The following RYR3 variants were observed in gnomAD, a reference collection of about 807,000 sequenced individuals.
The protein encoded by RYR3 is ryanodine receptor 3.
A neutral mutation model predicts 584.3 loss-of-function variants in RYR3; 207 were observed. The ratio of observed to expected loss-of-function variants is 0.35; its 90% confidence interval spans 0.32 to 0.40. The LOEUF is 0.40. Ranked by LOEUF, RYR3 falls within the 10% of genes least tolerant of loss-of-function variation. The probability of loss-of-function intolerance (pLI) is 1.00; values close to 1 mark genes in which losing one functional copy is unlikely to be tolerated. For synonymous variants in RYR3, 2,416 were observed against 2,248.5 expected, an observed-to-expected ratio of 1.07 and a Z score of -2.11; for missense variants, 5,616 against 6,089.2, an observed-to-expected ratio of 0.92 and a Z score of 2.59.
At chr15:33,699,464 A>C (rs759756013) in intron 40 of RYR3, among the ~76,000 whole-genome samples, 1 of 152,052 alleles carries the variant, frequency 6.6e-6, no homozygotes, top group East Asian at 1.9e-4. Context: ...GTAGAAGGTC[A>C]TGCAATTTCA....
At position 33,763,904 on chromosome 15, in the gene RYR3, A is replaced by AAAAAAAAAAAAAAAAAAAAAAAAAAC. The variant is rs1567121773; in HGVS notation, c.8706-4742_8706-4741insAAAAAAAAAAAAACAAAAAAAAAAAA. Among the ~76,000 whole-genome samples, 4 of 130,648 alleles carry AAAAAAAAAAAAAAAAAAAAAAAAAAC rather than the reference A, an allele frequency of 3.1e-5. 1 individual carries two copies. The highest frequency in any genetic ancestry group is 1.3e-4 in the African/African-American group (4 of 30,560). The allele number at this position is 130,648 out of a possible 152,430, so 85.7% of individuals were successfully genotyped here. On this transcript the variant is annotated intron_variant, in intron 60 of 103. Transcript: ENST00000634891. The stretch of plus-strand genomic sequence containing the variant: ...CGAGACTTCATCTCAAAAAAAAAAA[A>AAAAAAAAAAAAAAAAAAAAAAAAAAC]AAAAAAAAAAAATCAGGAAACAACA...
In RYR3 at chr15:33,583,482, T is replaced by C. The variant is rs190012575; in HGVS notation, c.1574-913T>C. Among the ~76,000 whole-genome samples, 40 of 152,318 alleles carry C rather than the reference T, an allele frequency of 2.6e-4. 1 individual carries two copies. Among genetic ancestry groups the C allele is most frequent in the Admixed American group, 1.2e-3 (19 of 15,306 alleles). On this transcript the variant is annotated intron_variant, in intron 14 of 103. Coordinates refer to ENST00000634891, the MANE Select transcript of RYR3 (RefSeq NM_001036.6). ...ATTTCATTACCTTATGCATTTATTGTCTCCATTGCCTACTTGATGAAGGCA... is the reference window on the plus strand; with the variant it reads ...ATTTCATTACCTTATGCATTTATTGCCTCCATTGCCTACTTGATGAAGGCA...
At position 33,816,971 on chromosome 15, in the gene RYR3, TC is replaced by T. The variant is rs2076848092; in HGVS notation, c.10599+17del. On this transcript the variant is annotated intron_variant, in intron 75 of 103. Coordinates refer to ENST00000634891, the MANE Select transcript of RYR3 (RefSeq NM_001036.6). ...ACAGGATTTGGCTGTAAGTACTGAC[TC>T]CCCTGGGAGCAGATATGAGTGTGGA... 20 of 1,504,658 alleles carry T rather than the reference TC, an allele frequency of 1.3e-5. No homozygotes were observed. Among genetic ancestry groups the T allele is most frequent in the Middle Eastern group, 1.7e-4 (1 of 5,884 alleles). The allele number at this position is 1,504,658 out of a possible 1,614,324, so 93.2% of individuals were successfully genotyped here.
At chr15:33,590,692 T>C (rs1292432188) in intron 16 of RYR3, among the ~76,000 whole-genome samples, 1 of 151,700 alleles carries the variant, frequency 6.6e-6, no homozygotes, top group Non-Finnish European at 1.5e-5. Context: ...GGCATTTTCA[T>C]ATAATAAGTT....
chr15:33,461,020 C>T (rs910586698), intron 1 of RYR3, among the ~76,000 whole-genome samples: 2 of 142,352 alleles, frequency 1.4e-5, no homozygotes, highest in African/African-American at 5.3e-5. Flanking sequence ...TCTTGGCTCA[C>T]TGCAAGCTCC....
chr15:33,761,511 T>C (rs2072447473), intron 60 of RYR3, among the ~76,000 whole-genome samples: 1 of 152,154 alleles, frequency 6.6e-6, no homozygotes, highest in African/African-American at 2.4e-5. Context: ...AATAAATGGA[T>C]AAATTCCTGG....
intron 19 of RYR3, among the ~76,000 whole-genome samples, chr15:33,618,209 A>G (rs964035402): frequency 7.2e-5 from 11 of 152,192 alleles, no homozygotes; most frequent in African/African-American, 2.2e-4. Flanking sequence ...AATATATTTT[A>G]TGGCTATAGT....
chr15:33,660,815 G>T (rs1446320147), intron 34 of RYR3, among the ~76,000 whole-genome samples: 2 of 152,154 alleles, frequency 1.3e-5, no homozygotes, highest in Admixed American at 6.5e-5. Context: ...TATGGCTGGG[G>T]TTCAATCCCA....
chr15:33,670,356 T>G, intron 37 of RYR3, 63 bp from the exon 38 acceptor site: 1 of 1,562,322 alleles, frequency 6.4e-7, no homozygotes, highest in South Asian at 1.2e-5. Context: ...TAAATGTTCT[T>G]TGTGACACTA....
intron 36 of RYR3, among the ~76,000 whole-genome samples, chr15:33,666,999 C>T (rs889659590): frequency 2.6e-5 from 4 of 152,230 alleles, no homozygotes; most frequent in African/African-American, 9.6e-5. Context: ...AACAAATCAG[C>T]ATATGTTGTT....
chr15:33,417,929 G>T (rs1378833858), intron 1 of RYR3, among the ~76,000 whole-genome samples: 3 of 152,062 alleles, frequency 2.0e-5, no homozygotes, highest in African/African-American at 7.2e-5. Context: ...TTCATCTATT[G>T]AGATGATCAT....
intron 43 of RYR3, among the ~76,000 whole-genome samples, chr15:33,721,691 GA>G (rs1280694723): frequency 4.6e-5 from 7 of 151,952 alleles, no homozygotes; most frequent in East Asian, 1.9e-4. Context: ...AACACAACAT[GA>G]AAAAAAGTCT....
At position 33,635,811 on chromosome 15, in the gene RYR3, G is replaced by A. The variant is rs754600756; in HGVS notation, c.3373G>A (p.Gly1125Ser). 5.0e-6 allele frequency: 8 copies of A among 1,611,602 alleles called. No individual in the cohort carries two copies. The Admixed American group carries it at 8.3e-5, about 17-fold the overall frequency. Residue 1125 changes from glycine to serine, a missense_variant, in exon 26 of 104, where the codon GGC (glycine) becomes AGC (serine). Gly to Ser is a moderately conservative substitution (Grantham distance 56). Around this residue, in one of 9 missense-constraint regions of RYR3, gnomAD observed 152 missense variants for 200.9 expected, o/e 0.76. Coordinates refer to ENST00000634891, the MANE Select transcript of RYR3 (RefSeq NM_001036.6). ...CGATGACCAAGCCTTTGTGTTTGAA[G>A]GCAACAGGGTGAGTTTATATATCTA... ...GADDQAFVFE[G>S]NRGQRWHQGS... is the part of the protein sequence containing the mutation.
At chr15:33,580,213 T>C (rs2058520768) in intron 13 of RYR3, 69 bp downstream of exon 13, 2 of 1,263,396 alleles carry the variant, frequency 1.6e-6, no homozygotes, top group African/African-American at 1.5e-5. Flanking sequence ...TGACTACAAC[T>C]TAGCTTTGTC....
intron 42 of RYR3, among the ~76,000 whole-genome samples, chr15:33,704,378 A>G (rs935067775): frequency 6.6e-6 from 1 of 152,122 alleles, no homozygotes; most frequent in Non-Finnish European, 1.5e-5. Context: ...CTGCAAACGG[A>G]GTAAGTGAAA....
At chr15:33,654,552 G>A (rs776041618) in intron 32 of RYR3, among the ~76,000 whole-genome samples, 1 of 151,952 alleles carries the variant, frequency 6.6e-6, no homozygotes, top group Non-Finnish European at 1.5e-5. Context: ...AGAAGGAGAA[G>A]AGTGTTGAAT....
chr15:33,641,338 A>G (rs977599195), intron 27 of RYR3, among the ~76,000 whole-genome samples: 1 of 152,210 alleles, frequency 6.6e-6, no homozygotes, highest in African/African-American at 2.4e-5. Context: ...CATCTGTAAA[A>G]TTGGCATAAT....
At chr15:33,599,892 C>A (rs551903472) in intron 16 of RYR3, among the ~76,000 whole-genome samples, 1 of 152,164 alleles carries the variant, frequency 6.6e-6, no homozygotes, top group Non-Finnish European at 1.5e-5. Flanking sequence ...TTTTACAGAG[C>A]CTTTTTCTCT....
At chr15:33,629,817 T>C (rs1000347778) in intron 21 of RYR3, 123 bp from the exon 22 acceptor site, 1 of 584,990 alleles carries the variant, frequency 1.7e-6, no homozygotes, top group African/African-American at 1.9e-5. Flanking sequence ...AGCAAGTTGC[T>C]GTCTTTCTCT....
Sources: gnomAD v4.1 joint callset for allele counts (sites outside exome capture counted in the v4.1 genomes callset) on GRCh38, gnomAD v4.1.1 for gene constraint, gnomAD v4.1.1 regional missense constraint, MANE v1.5 for transcripts, NCBI Gene and HGNC (gene_info 2026-07-23, HGNC 2026-07-21) for gene names.